Variants in POLR3K observed in about 807,000 individuals in gnomAD.
POLR3K encodes RNA polymerase III subunit K.
Under a neutral mutation model 13.5 loss-of-function variants are expected in POLR3K, and 11 were observed. That is an observed-to-expected ratio of 0.81 (90% CI 0.51 to 1.35). The LOEUF (loss-of-function observed/expected upper bound fraction) is 1.35. Ranked by LOEUF, POLR3K falls within the 40% of genes most tolerant of loss-of-function variation. The pLI, the probability that POLR3K is intolerant of heterozygous loss-of-function variation, is 0.00. For synonymous variants in POLR3K, 56 were observed against 51.5 expected (o/e 1.09, Z -0.38); for missense variants, 144 against 145.3 (o/e 0.99, Z 0.05).
rs191417816 is a variant in POLR3K, at chr16:48,954, C to T, written c.200-1397G>A. Among the ~76,000 whole-genome samples the T allele has an allele frequency of 9.2e-3, 1,375 of 149,434 alleles. 79 individuals are homozygous for T. The highest frequency in any genetic ancestry group is 0.081 in the Admixed American group (1,224 of 15,030). ...GGATCACGAGGTCGGGAGGTCAAGA[C>T]CAGCCTAGCCAAGATGGTGAAACCC... On this transcript the variant is annotated intron_variant, in intron 2 of 2. Coordinates refer to ENST00000293860, the MANE Select transcript of POLR3K (RefSeq NM_016310.5).
intron 2 of POLR3K, among the ~76,000 whole-genome samples, chr16:50,654 T>C (rs216589): frequency 0.8 from 120,853 of 151,956 alleles, 48,272 homozygotes; most frequent in Non-Finnish European, 0.82. Context: ...TCCTGAGCAG[T>C]TGGGTCTACA....
chr16:52,776 AAAAAAAAAAAAAAAAAAAAC>A (rs869070284), intron 1 of POLR3K, among the ~76,000 whole-genome samples: 341 of 24,098 alleles, frequency 0.014, 7 homozygotes, highest in African/African-American at 0.027. Context: ...AAAAAAAAAA[AAAAAAAAAAAAAAAAAAAAC>A]AATAAAAAAA....
At position 52,446 on chromosome 16, in the gene POLR3K, C is replaced by CAAAAA. The variant is rs767411954; in HGVS notation, c.112-806_112-802dup. ...TGGGAAACAGAGCGAGACTCTGTCT[C>CAAAAA]AAAAAAAAAAAAAAAAAAAAAAAAA... On this transcript the variant is annotated intron_variant, in intron 1 of 2. Transcript: ENST00000293860. Among the ~76,000 whole-genome samples, 77 of 74,190 alleles carry CAAAAA rather than the reference C, an allele frequency of 1.0e-3. 4 individuals are homozygous for CAAAAA. The highest frequency in any genetic ancestry group is 1.5e-3 in the Non-Finnish European group (59 of 40,090). 48.7% of individuals were successfully genotyped at this position (74,190 alleles called of 152,430 possible). A position where few individuals can be genotyped will look rare whatever the true frequency, so the allele number is the denominator to read the frequency against.
rs1456690718 is a variant in POLR3K, at chr16:47,400, A to C, written c.*30T>G. ...ATCTACCCCGAGGGACAAGGCAAGC[A>C]CACACTAGGGCAGCTGGGCCATCCT... On this transcript the variant is annotated 3_prime_UTR_variant, in exon 3 of 3. Coordinates refer to ENST00000293860, the MANE Select transcript of POLR3K (RefSeq NM_016310.5). 1 of 1,606,638 alleles carries C rather than the reference A, an allele frequency of 6.2e-7. No homozygotes were observed. The highest frequency in any genetic ancestry group is 1.3e-5 in the African/African-American group (1 of 74,722).
chr16:47,030 AAAT>A lies in POLR3K; in HGVS notation c.*397_*399del, dbSNP rs1897289746. 6.6e-6 allele frequency: 1 copy of A among 152,552 alleles called. No homozygotes were observed. The allele number at this position is 152,552 out of a possible 1,614,324, so 9.4% of individuals were successfully genotyped here. On this transcript the variant is annotated 3_prime_UTR_variant, in exon 3 of 3. Transcript: ENST00000293860. Reference sequence around the variant, plus strand: ...AAATATTCAGAATTTTGATTAAAATAAATAATAAATTACACAAGTTTACAAGTA... The same window carrying A: ...AAATATTCAGAATTTTGATTAAAATAAATAAATTACACAAGTTTACAAGTA...
At chr16:51,196 T>A (rs1264758797) in intron 2 of POLR3K, among the ~76,000 whole-genome samples, 1 of 152,224 alleles carries the variant, frequency 6.6e-6, no homozygotes, top group Non-Finnish European at 1.5e-5. Flanking sequence ...ATTGCCATTA[T>A]CAAAGCTATC....
intron 2 of POLR3K, among the ~76,000 whole-genome samples, chr16:48,651 AAC>A (rs1897304409): frequency 6.6e-6 from 1 of 151,542 alleles, no homozygotes; most frequent in Admixed American, 6.6e-5. Flanking sequence ...CTCTACTAAA[AAC>A]ACAAAAAATT....
At chr16:48,734 C>G (rs1436292721) in intron 2 of POLR3K, among the ~76,000 whole-genome samples, 1 of 151,188 alleles carries the variant, frequency 6.6e-6, no homozygotes, top group Non-Finnish European at 1.5e-5. Context: ...TTGCGTGAAC[C>G]CGGGAGGCGG....
chr16:46,822 T>C lies in POLR3K; in HGVS notation c.*608A>G, dbSNP rs1468281390. On this transcript the variant is annotated 3_prime_UTR_variant, in exon 3 of 3. Coordinates refer to ENST00000293860, the MANE Select transcript of POLR3K (RefSeq NM_016310.5). ...GCAAATCAGGGGAGGTTCAAAAAAATGAATAAGGGAGTAAGAATAGGAATA... is the reference window on the plus strand; with the variant it reads ...GCAAATCAGGGGAGGTTCAAAAAAACGAATAAGGGAGTAAGAATAGGAATA... The C allele has an allele frequency of 6.6e-6, 1 of 151,946 alleles. No homozygotes were observed. The highest frequency in any genetic ancestry group is 1.5e-5 in the Non-Finnish European group (1 of 67,998). The allele number at this position is 151,946 out of a possible 1,614,324, so 9.4% of individuals were successfully genotyped here.
intron 2 of POLR3K, among the ~76,000 whole-genome samples, chr16:48,594 G>A (rs980751025): frequency 1.3e-5 from 2 of 151,980 alleles, no homozygotes; most frequent in South Asian, 4.1e-4. Context: ...GGCGGATCAC[G>A]AGGTCAGGAG....
Position 50,253 on chromosome 16 carries a change from C to T in POLR3K, c.199+1305G>A, listed in dbSNP as rs142953295. ...AGATTGCAGGCGTGAGCCACCACAC[C>T]CAGCCTATATGTTCTTTTATAGGGG... is the stretch of plus-strand genomic sequence containing the variant. On this transcript the variant is annotated intron_variant, in intron 2 of 2. Coordinates refer to ENST00000293860, the MANE Select transcript of POLR3K (RefSeq NM_016310.5). Among the ~76,000 whole-genome samples the T allele has an allele frequency of 2.5e-4, 38 of 152,280 alleles. No individual in the cohort carries two copies. The East Asian group carries it at 7.2e-3, about 29-fold the overall frequency.
In POLR3K at chr16:46,898, T is replaced by C. The variant is rs929287086; in HGVS notation, c.*532A>G. ...TTAACATTTTCGTAGCCTGTTCAAA[T>C]GTAAGTATGTAGTCTATTCTGGGAT... On this transcript the variant is annotated 3_prime_UTR_variant, in exon 3 of 3. Coordinates refer to ENST00000293860, the MANE Select transcript of POLR3K (RefSeq NM_016310.5). 6.6e-6 allele frequency: 1 copy of C among 152,182 alleles called. No individual in the cohort carries two copies. Among genetic ancestry groups the C allele is most frequent in the Non-Finnish European group, 1.5e-5 (1 of 68,042 alleles). 9.4% of individuals were successfully genotyped at this position (152,182 alleles called of 1,614,324 possible).
In POLR3K at chr16:47,503, C is replaced by T. The variant is rs745993040; in HGVS notation, c.254G>A (p.Arg85His). The change falls in exon 3 of 3, where the codon CGC becomes CAC. Residue 85 changes from arginine (R) to histidine (H), a missense_variant. Transcript: ENST00000293860. ...GGTGGTCATCGGCTCATCTGCAGAG[C>T]GGGTCTGAAGCTGCATGAAGTAAGC... ...PRAYFMQLQT[R>H]SADEPMTTFY... 3 of 1,612,894 alleles carry T rather than the reference C, an allele frequency of 1.9e-6. No individual in the cohort carries two copies. Among genetic ancestry groups the T allele is most frequent in the South Asian group, 1.1e-5 (1 of 91,056 alleles).
chr16:53,306 T>C (rs576256907), intron 1 of POLR3K, 170 bp downstream of exon 1: 584 of 1,284,856 alleles, frequency 4.5e-4, no homozygotes, highest in Admixed American at 1.3e-3. Context: ...CGGTGGGGCT[T>C]TCTGAGTGTA....
At chr16:49,686 C>T (rs570076709) in intron 2 of POLR3K, among the ~76,000 whole-genome samples, 13 of 147,806 alleles carry the variant, frequency 8.8e-5, no homozygotes, top group Non-Finnish European at 1.6e-4. Context: ...GTTGCCTGGG[C>T]TAGAGTGCAA....
chr16:48,288 G>A (rs1282708560), intron 2 of POLR3K, among the ~76,000 whole-genome samples: 1 of 152,076 alleles, frequency 6.6e-6, no homozygotes, highest in African/African-American at 2.4e-5. Flanking sequence ...CCACCACGCT[G>A]TAACACTAAG....
chr16:51,228 T>C (rs1050772233), intron 2 of POLR3K, among the ~76,000 whole-genome samples: 3 of 152,216 alleles, frequency 2.0e-5, no homozygotes, highest in African/African-American at 7.2e-5. Flanking sequence ...GCCTCTTATA[T>C]ACCAAGCACG....
In POLR3K at chr16:47,463, G is replaced by A; in HGVS notation, c.294C>T (p.Cys98=). ...TCCAGCGGTGTCCACACTGAGCATT[G>A]CAGCACTTGTAGAAGGTGGTCATCG... ...DEPMTTFYKC[C]NAQCGHRWRD is the part of the protein sequence containing the mutation. The change falls in exon 3 of 3, where the codon TGC becomes TGT. Residue 98 remains cysteine, a synonymous_variant. Transcript: ENST00000293860. The A allele has an allele frequency of 1.9e-6, 3 of 1,613,550 alleles. No homozygotes were observed. Among genetic ancestry groups the A allele is most frequent in the Non-Finnish European group, 1.7e-6 (2 of 1,179,650 alleles).
At chr16:51,458 C>A in intron 2 of POLR3K, 100 bp downstream of exon 2, 2 of 867,480 alleles carry the variant, frequency 2.3e-6, no homozygotes, top group Admixed American at 2.6e-5. Context: ...TTTTTAGAAA[C>A]CTACATCATT....
Sources: allele counts gnomAD v4.1 joint callset (sites outside exome capture counted in the v4.1 genomes callset), GRCh38; gene constraint gnomAD v4.1.1; transcripts MANE v1.5; gene names NCBI Gene and HGNC (gene_info 2026-07-23, HGNC 2026-07-21).